Variants in ABL2 observed in about 807,000 individuals in gnomAD.
ABL2 encodes the protein tyrosine-protein kinase ABL2.
In ABL2, 49 loss-of-function variants were observed where a neutral mutation model predicts 107.7. The observed-to-expected ratio is 0.45, with a 90% confidence interval of 0.36 to 0.58. The LOEUF (loss-of-function observed/expected upper bound fraction) is 0.58, where lower values mean the gene tolerates loss of function less well. Among genes scored for constraint, ABL2 ranks in the 20% least tolerant of loss-of-function variants. ABL2 has a pLI of 0.00. For synonymous variants in ABL2, 549 were observed against 548.6 expected, an observed-to-expected ratio of 1.00 and a Z score of -0.01; for missense variants, 1,245 against 1,457.0, an observed-to-expected ratio of 0.85 and a Z score of 2.37.
chr1:179,159,107 C>T (rs1424652696), intron 1 of ABL2, among the ~76,000 whole-genome samples: 2 of 152,222 alleles, frequency 1.3e-5, no homozygotes, highest in African/African-American at 4.8e-5. Context: ...CCACTTACTA[C>T]ATCTGTGATC....
At chr1:179,128,890 G>C (rs926194802) in intron 3 of ABL2, among the ~76,000 whole-genome samples, 2 of 151,900 alleles carry the variant, frequency 1.3e-5, no homozygotes, top group African/African-American at 4.8e-5. Flanking sequence ...TCACTACATT[G>C]CCTAGGCTGG....
At chr1:179,198,232 G>A (rs371606442) in intron 1 of ABL2, among the ~76,000 whole-genome samples, 2 of 150,272 alleles carry the variant, frequency 1.3e-5, no homozygotes, top group South Asian at 4.2e-4. Context: ...GTTTAAAAGA[G>A]AAGGAAAAGG....
intron 1 of ABL2, among the ~76,000 whole-genome samples, chr1:179,181,946 A>ATTTTTTTTTTTTTTTTTTTTTTTTT (rs34828452): frequency 1.1e-5 from 1 of 91,208 alleles, no homozygotes; most frequent in Non-Finnish European, 2.1e-5. Flanking sequence ...AGGCCCGGCT[A>ATTTTTTTTTTTTTTTTTTTTTTTTT]TTTTTTTTTT....
intron 1 of ABL2, among the ~76,000 whole-genome samples, chr1:179,160,810 G>A (rs761528636): frequency 1.3e-5 from 2 of 152,102 alleles, no homozygotes; most frequent in African/African-American, 2.4e-5. Flanking sequence ...CGAGGCAGTG[G>A]GGGACATGAA....
rs374740441 is a variant in ABL2, at chr1:179,107,964, C to T, written c.3303G>A (p.Thr1101=). ...ECADLLSSAL[T]EPVPNSQLVD... Reference sequence around the variant, plus strand: ...CCAGCTGGCTGTTGGGCACAGGTTCCGTGAGTGCACTGGACAGTAGGTCAG... The same window carrying T: ...CCAGCTGGCTGTTGGGCACAGGTTCTGTGAGTGCACTGGACAGTAGGTCAG... Residue 1101 remains threonine (T), a synonymous_variant, in exon 12 of 12, where the codon ACG becomes ACA. Transcript: ENST00000502732. The T allele has an allele frequency of 5.0e-6, 8 of 1,614,094 alleles. No homozygotes were observed. Among genetic ancestry groups the T allele is most frequent in the African/African-American group, 4.0e-5 (3 of 74,932 alleles).
In ABL2 at chr1:179,145,554, T is replaced by C. The variant is rs143612732; in HGVS notation, c.158-12180A>G. On this transcript the variant is annotated intron_variant, in intron 1 of 11. Transcript: ENST00000502732. ...AGCATTTTCAGTTTTTGCAAATCTCTTTAATAGGCTGAGGTGGAAAAGTGC... is the reference window on the plus strand; with the variant it reads ...AGCATTTTCAGTTTTTGCAAATCTCCTTAATAGGCTGAGGTGGAAAAGTGC... Among the ~76,000 whole-genome samples, 339 of 152,318 alleles carry C rather than the reference T, an allele frequency of 2.2e-3. 3 individuals carry two copies. The highest frequency in any genetic ancestry group is 7.5e-3 in the African/African-American group (313 of 41,568).
chr1:179,208,557 C>T (rs141961680), intron 1 of ABL2, among the ~76,000 whole-genome samples: 1 of 152,182 alleles, frequency 6.6e-6, no homozygotes, highest in Non-Finnish European at 1.5e-5. Context: ...TTGGGAAGAC[C>T]GGAATATCAA....
At chr1:179,115,064 T>C (rs777096572) in intron 8 of ABL2, 34 bp from the exon 9 acceptor site, 8 of 1,545,360 alleles carry the variant, frequency 5.2e-6, no homozygotes, top group Middle Eastern at 1.7e-4. Context: ...ACTTAGTGTT[T>C]CTTCTCCGAT....
chr1:179,135,178 C>T (rs368932815), intron 1 of ABL2, among the ~76,000 whole-genome samples: 1 of 151,892 alleles, frequency 6.6e-6, no homozygotes, highest in Non-Finnish European at 1.5e-5. Context: ...GGAGCATCTC[C>T]GCCTGGCCGC....
In ABL2 at chr1:179,126,619, G is replaced by C. The variant is rs375837168; in HGVS notation, c.445C>G (p.Arg149Gly). ...ACCCAGCCCTGCCCATTCTTAGAGC[G>C]AACTTCACTCCACTCACCATTCTGG... The part of the protein sequence containing the change: ...YNQNGEWSEV[R>G]SKNGQGWVPS... The change falls in exon 4 of 12, where the codon CGC becomes GGC. Residue 149 changes from arginine to glycine, a missense_variant. This residue lies in a region of ABL2 where 320 missense variants were observed against 547.0 expected (regional missense o/e 0.59). Coordinates refer to ENST00000502732, the MANE Select transcript of ABL2 (RefSeq NM_007314.4). This position sits in a 1 kb window ranked among gnomAD's most constrained non-coding sequence, Gnocchi z 4.4. The C allele has an allele frequency of 1.2e-6, 2 of 1,614,100 alleles. No individual in the cohort carries two copies. Among genetic ancestry groups the C allele is most frequent in the African/African-American group, 1.3e-5 (1 of 75,018 alleles).
At chr1:179,112,685 G>T (rs772385849) in intron 9 of ABL2, among the ~76,000 whole-genome samples, 1 of 151,622 alleles carries the variant, frequency 6.6e-6, no homozygotes, top group African/African-American at 2.4e-5. Context: ...GACCTCCTGG[G>T]TTCAAACAAT....
intron 1 of ABL2, among the ~76,000 whole-genome samples, chr1:179,134,761 G>C (rs1656693227): frequency 6.6e-6 from 1 of 151,880 alleles, no homozygotes; most frequent in Non-Finnish European, 1.5e-5. Flanking sequence ...CTCTTTCCAC[G>C]GTCTCCCTCT....
rs1253616079 is a variant in ABL2 at position 179,106,467 on chromosome 1, A to C, written c.*1251T>G. On this transcript the variant is annotated 3_prime_UTR_variant, in exon 12 of 12. Transcript: ENST00000502732. ...GAATATTCCCAATAAGATCTGTACA[A>C]ATAAGCACAATGATTGGGTGGGGGA... 6 of 232,862 alleles carry C rather than the reference A, an allele frequency of 2.6e-5. No individual in the cohort carries two copies. Among genetic ancestry groups the C allele is most frequent in the Non-Finnish European group, 5.1e-5 (6 of 117,872 alleles). 14.4% of individuals were successfully genotyped at this position (232,862 alleles called of 1,614,324 possible).
intron 1 of ABL2, among the ~76,000 whole-genome samples, chr1:179,208,460 T>C (rs1241266439): frequency 6.6e-6 from 1 of 152,236 alleles, no homozygotes; most frequent in East Asian, 1.9e-4. Context: ...GCTGCATCCA[T>C]GTTGCTGCAA....
At position 179,185,561 on chromosome 1, in the gene ABL2, C is replaced by T. The variant is rs180708525; in HGVS notation, c.157+43680G>A. 4.0e-3 allele frequency among the ~76,000 whole-genome samples: 610 copies of T among 152,100 alleles called. 5 individuals carry two copies. The highest frequency in any genetic ancestry group is 0.014 in the African/African-American group (568 of 41,516). On this transcript the variant is annotated intron_variant, in intron 1 of 11. Transcript: ENST00000502732. ...TTGTTATAATAAAACTAAATGTGTC[C>T]ACAAAGGAAAAAACTTATTTCAGCT...
chr1:179,219,946 A>G (rs1662781835), intron 1 of ABL2, among the ~76,000 whole-genome samples: 1 of 152,272 alleles, frequency 6.6e-6, no homozygotes, highest in Admixed American at 6.5e-5. Context: ...ATATTTATTG[A>G]GCACCACAGT....
chr1:179,173,188 C>T (rs1659828484), intron 1 of ABL2, among the ~76,000 whole-genome samples: 1 of 139,730 alleles, frequency 7.2e-6, no homozygotes, highest in African/African-American at 2.6e-5. Context: ...GAAACTCGGC[C>T]TCAAAAAAAA....
chr1:179,190,082 G>C (rs539486700), intron 1 of ABL2, among the ~76,000 whole-genome samples: 1 of 152,168 alleles, frequency 6.6e-6, no homozygotes, highest in South Asian at 2.1e-4. Flanking sequence ...CTCCCAAAGT[G>C]CTGGGATTAC....
chr1:179,160,309 T>C (rs1251574001), intron 1 of ABL2, among the ~76,000 whole-genome samples: 1 of 151,134 alleles, frequency 6.6e-6, no homozygotes, highest in Non-Finnish European at 1.5e-5. Context: ...AGGCCAGGAG[T>C]TCAAGACCAG....
Sources: gnomAD v4.1 joint callset for allele counts (sites outside exome capture counted in the v4.1 genomes callset) on GRCh38, gnomAD v4.1.1 for gene constraint, gnomAD v4.1.1 regional missense constraint, Gnocchi (gnomAD v3.1) non-coding constraint, MANE v1.5 for transcripts, NCBI Gene and HGNC (gene_info 2026-07-23, HGNC 2026-07-21) for gene names.